The following RRP12 variants were observed in gnomAD, a reference collection of about 807,000 sequenced individuals.
RRP12 encodes RRP12-like protein.
Under a neutral mutation model 157.3 loss-of-function variants are expected in RRP12, and 78 were observed. The observed-to-expected ratio is 0.50, with a 90% CI of 0.41 to 0.60. RRP12 has a LOEUF of 0.60. RRP12 is among the 20% of genes least tolerant of loss of function. The pLI, the probability that RRP12 is intolerant of heterozygous loss-of-function variation, is 0.00. For synonymous variants in RRP12, 726 were observed against 670.9 expected, an observed-to-expected ratio of 1.08 and a Z score of -1.27; for missense variants, 1,521 against 1,679.9, an observed-to-expected ratio of 0.91 and a Z score of 1.65.
chr10:97,366,307 C>A, intron 28 of RRP12, 74 bp from the exon 29 acceptor site: 2 of 1,583,836 alleles, frequency 1.3e-6, no homozygotes, highest in South Asian at 1.1e-5. Flanking sequence ...GACCAACAAG[C>A]CCGGCTCAGG....
intron 25 of RRP12, 145 bp downstream of exon 25, chr10:97,369,280 C>T: frequency 1.2e-6 from 1 of 804,328 alleles, no homozygotes. Context: ...GACAGGCATT[C>T]CCCTATGGTC....
chr10:97,383,456 T>G (rs1337997071), intron 10 of RRP12, among the ~76,000 whole-genome samples: 1 of 152,168 alleles, frequency 6.6e-6, no homozygotes, highest in Non-Finnish European at 1.5e-5. Context: ...GAAACACAGA[T>G]GAACAGTGTT....
chr10:97,384,428 TAGCCCTGA>T (rs1844559142), intron 10 of RRP12, among the ~76,000 whole-genome samples: 1 of 120,050 alleles, frequency 8.3e-6, no homozygotes, highest in African/African-American at 3.3e-5. Context: ...GCCAGGATGG[TAGCCCTGA>T]GGACCCCCAA....
chr10:97,370,948 C>T lies in RRP12; in HGVS notation c.2477G>A (p.Arg826Gln), dbSNP rs761936629. 5.5e-5 allele frequency: 89 copies of T among 1,614,014 alleles called. No homozygotes were observed. Among genetic ancestry groups the T allele is most frequent in the South Asian group, 9.9e-5 (9 of 91,080 alleles). ...CCTCTTGGCGGGTGAGGAGGTGCTCCGCAGCGAGTCCAGCAGTGTCTTCTT... is the reference window on the plus strand; with the variant it reads ...CCTCTTGGCGGGTGAGGAGGTGCTCTGCAGCGAGTCCAGCAGTGTCTTCTT... ...DLKKTLLDSL[R>Q]STSSPAKRPR... is the part of the protein sequence containing the mutation. The change falls in exon 21 of 34, where the codon CGG (arginine) becomes CAG (glutamine). Residue 826 changes from arginine to glutamine, a missense_variant. Coordinates refer to ENST00000370992, the MANE Select transcript of RRP12 (RefSeq NM_015179.4).
Position 97,390,405 on chromosome 10 carries a change from G to C in RRP12, c.753+18C>G, listed in dbSNP as rs993720204. 6.3e-7 allele frequency: 1 copy of C among 1,587,030 alleles called. No individual in the cohort carries two copies. The highest frequency in any genetic ancestry group is 8.7e-7 in the Non-Finnish European group (1 of 1,155,792). On this transcript the variant is annotated intron_variant, in intron 6 of 33. Transcript: ENST00000370992. ...GGCTGTCCCCTTGCCCCATTTTCTA[G>C]GGAGCTAGTAGTCTCACCTTGGGCT... is the stretch of plus-strand genomic sequence containing the variant.
chr10:97,374,923 C>A (rs1038465417), intron 15 of RRP12, among the ~76,000 whole-genome samples: 1 of 152,044 alleles, frequency 6.6e-6, no homozygotes, highest in Non-Finnish European at 1.5e-5. Flanking sequence ...TTCATTTAAT[C>A]CTCACAAAAC....
In RRP12 at chr10:97,385,944, C is replaced by G. The variant is rs1451965554; in HGVS notation, c.1067G>C (p.Arg356Thr). Residue 356 changes from arginine (R) to threonine (T), a missense_variant, in exon 9 of 34, where the codon AGG becomes ACG. Physicochemically the swap from Arg to Thr is moderately conservative, Grantham distance 71 (BLOSUM62 -1). Coordinates refer to ENST00000370992, the MANE Select transcript of RRP12 (RefSeq NM_015179.4). Reference protein sequence around the residue: ...MQAFHSLFHARPGLSTLSAEL... With the variant: ...MQAFHSLFHATPGLSTLSAEL... ...TGCTGACAGGGTGCTCAGGCCAGGC[C>G]TGGCGTGGAAGAGGCTGTGAAAGGC... 1.2e-6 allele frequency: 2 copies of G among 1,607,262 alleles called. No homozygotes were observed.
In RRP12 at chr10:97,379,295, T is replaced by A. The variant is rs749956011; in HGVS notation, c.1796A>T (p.Lys599Ile). The change falls in exon 15 of 34, where the codon AAA (lysine) becomes ATA (isoleucine). Residue 599 changes from lysine to isoleucine, a missense_variant and splice_region_variant. Lys to Ile is a moderately radical substitution (Grantham distance 102, BLOSUM62 -3). Transcript: ENST00000370992. ...FLPLANTLKSKAMDLAQAGST... is the reference protein window; with the variant it reads ...FLPLANTLKSIAMDLAQAGST... ...ACACAGGCAAGGGTCTCTCCTACCTTTGCTCTTCAGGGTGTTAGCCAGGGG... is the reference window on the plus strand; with the variant it reads ...ACACAGGCAAGGGTCTCTCCTACCTATGCTCTTCAGGGTGTTAGCCAGGGG... 7 of 1,613,736 alleles carry A rather than the reference T, an allele frequency of 4.3e-6. No homozygotes were observed. The Admixed American group carries it at 1.2e-4, about 27-fold the overall frequency.
At chr10:97,393,442 C>T in intron 4 of RRP12, 1 of 653,180 alleles carries the variant, frequency 1.5e-6, no homozygotes, top group Admixed American at 1.9e-5. Context: ...TCCCAACCTT[C>T]TTGGCATAAA....
intron 4 of RRP12, 41 bp from the exon 5 acceptor site, chr10:97,390,885 G>T: frequency 7.5e-7 from 1 of 1,336,060 alleles, no homozygotes; most frequent in Non-Finnish European, 1.1e-6. Flanking sequence ...GAGGGTCCCT[G>T]AAGAGCAGCT....
chr10:97,373,596 T>C lies in RRP12; in HGVS notation c.2005A>G (p.Ile669Val), dbSNP rs796223918. 13 of 1,605,704 alleles carry C rather than the reference T, an allele frequency of 8.1e-6. No individual in the cohort carries two copies. In the African/African-American group the frequency reaches 1.5e-4, roughly 18 times the overall value. The change falls in exon 17 of 34, where the codon ATC becomes GTC. Residue 669 changes from isoleucine to valine, a missense_variant. Transcript: ENST00000370992. ...VTVCQALRTLITKGCQAEADR... is the reference protein window; with the variant it reads ...VTVCQALRTLVTKGCQAEADR... ...GTACCTGCCTGGCAGCCCTTGGTGA[T>C]GAGGGTGCGCAGGGCCTGGCACACG...
chr10:97,385,489 A>T (rs910516682), intron 9 of RRP12, among the ~76,000 whole-genome samples: 2 of 151,896 alleles, frequency 1.3e-5, no homozygotes, highest in African/African-American at 4.8e-5. Flanking sequence ...CATGGGTCAC[A>T]CACTCCTTTG....
chr10:97,359,244 C>T (rs1589407258), intron 31 of RRP12, among the ~76,000 whole-genome samples: 2 of 152,188 alleles, frequency 1.3e-5, no homozygotes, highest in South Asian at 4.1e-4. Context: ...TACAGCTTAC[C>T]AGAGACCTCT....
Position 97,370,742 on chromosome 10 carries a change from CCTT to C in RRP12, c.2554_2556del (p.Lys852del). The stretch of plus-strand genomic sequence containing the variant: ...TCTGGGATGAGGGCAGTGATGAACT[CCTT>C]GTGTTCAGCTGAGAGCTTCCTCACG... On this transcript the variant is annotated inframe_deletion, in exon 22 of 34. Transcript: ENST00000370992. 1.2e-6 allele frequency: 2 copies of C among 1,614,128 alleles called. No individual in the cohort carries two copies. Among genetic ancestry groups the C allele is most frequent in the Non-Finnish European group, 1.7e-6 (2 of 1,180,010 alleles).
chr10:97,363,804 C>A (rs768685593), intron 30 of RRP12, 50 bp downstream of exon 30: 19 of 1,525,436 alleles, frequency 1.2e-5, no homozygotes, highest in Middle Eastern at 1.7e-4. Context: ...AGCTGTGGAG[C>A]CCAGGCTTAG....
intron 2 of RRP12, among the ~76,000 whole-genome samples, chr10:97,399,002 AGTGGCTC>A (rs1382030896): frequency 6.6e-6 from 1 of 152,152 alleles, no homozygotes; most frequent in East Asian, 1.9e-4. Context: ...GGCCGGGCGC[AGTGGCTC>A]ACACCTGTAA....
In RRP12 at chr10:97,378,781, C is replaced by T. The variant is rs186264088; in HGVS notation, c.1798+512G>A. Among the ~76,000 whole-genome samples the T allele has an allele frequency of 5.3e-4, 80 of 152,128 alleles. 1 individual carries two copies. The East Asian group carries it at 0.013, about 25-fold the overall frequency. On this transcript the variant is annotated intron_variant, in intron 15 of 33. Coordinates refer to ENST00000370992, the MANE Select transcript of RRP12 (RefSeq NM_015179.4). ...CTGAGGCAGGAGAATCACTTGAACC[C>T]GGAAGGCGGAGGTTGCAGTGAGCCG...
chr10:97,381,407 T>C lies in RRP12; in HGVS notation c.1397A>G (p.Gln466Arg), dbSNP rs1249363392. The change falls in exon 12 of 34, where the codon CAA (glutamine) becomes CGA (arginine). Residue 466 changes from glutamine to arginine, a missense_variant. Coordinates refer to ENST00000370992, the MANE Select transcript of RRP12 (RefSeq NM_015179.4). ...TCACCTGAACATCTTGGCAACAGAT[T>C]GGGCAGGGCCTGAGGCCGAGGAGGT... ...SVTSSASGPA[Q>R]SVAKMFRAVE... is the part of the protein sequence containing the mutation. 3 of 1,611,696 alleles carry C rather than the reference T, an allele frequency of 1.9e-6. No individual in the cohort carries two copies. In the African/African-American group the frequency reaches 4.0e-5, roughly 22 times the overall value.
chr10:97,366,093 G>C lies in RRP12; in HGVS notation c.3517+15C>G. 6.2e-7 allele frequency: 1 copy of C among 1,601,066 alleles called. No individual in the cohort carries two copies. The highest frequency in any genetic ancestry group is 8.5e-7 in the Non-Finnish European group (1 of 1,179,864). On this transcript the variant is annotated intron_variant, in intron 29 of 33. Transcript: ENST00000370992. ...GTGAACACGGTGAATGAATGGACAA[G>C]CGCGTTGGGCCCACCTTTGGCACCT...
Sources: gnomAD v4.1 joint callset for allele counts (sites outside exome capture counted in the v4.1 genomes callset) on GRCh38, gnomAD v4.1.1 for gene constraint, MANE v1.5 for transcripts, NCBI Gene and HGNC (gene_info 2026-07-23, HGNC 2026-07-21) for gene names.